The following DEFB121 variants were observed in gnomAD, a reference collection of about 807,000 sequenced individuals.
The protein encoded by DEFB121 is beta-defensin 121.
In DEFB121, 5 loss-of-function variants were observed where a neutral mutation model predicts 2.5. The observed-to-expected ratio is 1.96, with a 90% CI of 1.03 to 4.13. The LOEUF is 4.13. DEFB121 is among the 30% of genes most tolerant of loss of function. DEFB121 has a pLI of 0.00. For synonymous variants in DEFB121, 39 were observed against 32.6 expected, an observed-to-expected ratio of 1.20 and a Z score of -0.67; for missense variants, 87 against 85.0, an observed-to-expected ratio of 1.02 and a Z score of -0.09.
chr20:31,405,162 C>T, intron 1 of DEFB121, 77 bp from the exon 2 acceptor site: 2 of 1,430,426 alleles, frequency 1.4e-6, no homozygotes, highest in African/African-American at 1.4e-5. Context: ...GAGGCTAAAG[C>T]CCAGTAGAGG....
exon 1 of DEFB121, chr20:31,412,798 G>T: frequency 1.6e-6 from 1 of 642,302 alleles, no homozygotes; most frequent in African/African-American, 1.9e-5. Flanking sequence ...TCAAATCTAA[G>T]ACCCAGAGGG....
upstream of DEFB121, among the ~76,000 whole-genome samples, chr20:31,413,237 T>C (rs1978710278): frequency 6.6e-6 from 1 of 152,236 alleles, no homozygotes; most frequent in African/African-American, 2.4e-5. Context: ...CCTAACATGC[T>C]TACCGCTTAT....
upstream of DEFB121, among the ~76,000 whole-genome samples, chr20:31,416,355 C>T (rs1978805650): frequency 6.6e-6 from 1 of 152,226 alleles, no homozygotes; most frequent in African/African-American, 2.4e-5. Context: ...GCCACGGCGC[C>T]TGGCCTTCTT....
chr20:31,412,763 G>T, exon 1 of DEFB121: 1 of 1,029,288 alleles, frequency 9.7e-7, no homozygotes, highest in Non-Finnish European at 1.3e-6. Context: ...TGCTCACCGT[G>T]ATCTTCAAGT....
upstream of DEFB121, among the ~76,000 whole-genome samples, chr20:31,409,128 T>A (rs962954315): frequency 1.3e-5 from 2 of 152,242 alleles, no homozygotes; most frequent in Middle Eastern, 3.4e-3. Context: ...TAAAAAAACT[T>A]GTTAAAAAAA....
At chr20:31,409,969 G>A (rs1315703116), upstream of DEFB121, among the ~76,000 whole-genome samples, 1 of 152,020 alleles carries the variant, frequency 6.6e-6, no homozygotes, top group African/African-American at 2.4e-5. Context: ...CTTTCAGAGT[G>A]ATGAAAATGT....
upstream of DEFB121, among the ~76,000 whole-genome samples, chr20:31,417,824 A>T (rs987939977): frequency 6.6e-6 from 1 of 151,800 alleles, no homozygotes; most frequent in South Asian, 2.1e-4. Flanking sequence ...TTAGCCAGGC[A>T]TGGTGGTGGG....
chr20:31,417,130 G>T (rs1330820591), upstream of DEFB121, among the ~76,000 whole-genome samples: 1 of 152,166 alleles, frequency 6.6e-6, no homozygotes, highest in Non-Finnish European at 1.5e-5. Flanking sequence ...CAGATCACTT[G>T]AGGTCAGGAG....
chr20:31,405,216 A>G lies in DEFB121; in HGVS notation c.59-131T>C, dbSNP rs776500447. 3.5e-5 allele frequency: 29 copies of G among 832,516 alleles called. No homozygotes were observed. In the African/African-American group the frequency reaches 4.5e-4, roughly 13 times the overall value. The allele number at this position is 832,516 out of a possible 1,614,324, so 51.6% of individuals were successfully genotyped here. A position where few individuals can be genotyped will look rare whatever the true frequency, so the allele number is the denominator to read the frequency against. On this transcript the variant is annotated intron_variant, in intron 1 of 1. Coordinates refer to ENST00000376314, the MANE Select transcript of DEFB121 (RefSeq NM_001011878.3). The stretch of plus-strand genomic sequence containing the variant: ...AGGTCTGTGGGGAAGAAGCTCTTAC[A>G]CAGGATCCCCTAAGTTTAAGGGAGA...
upstream of DEFB121, among the ~76,000 whole-genome samples, chr20:31,408,183 C>T (rs868703265): frequency 2.6e-5 from 4 of 152,188 alleles, no homozygotes; most frequent in African/African-American, 9.7e-5. Flanking sequence ...GAGGCTCCTG[C>T]CTGTAATCCC....
upstream of DEFB121, among the ~76,000 whole-genome samples, chr20:31,409,291 C>T (rs12479674): frequency 0.042 from 6,416 of 152,208 alleles, 182 homozygotes; most frequent in Middle Eastern, 0.11. Flanking sequence ...CATATGTCCA[C>T]GTCAAAACTT....
At chr20:31,416,024 AGGCAGAGATCT>A (rs1174537543), upstream of DEFB121, among the ~76,000 whole-genome samples, 1 of 151,782 alleles carries the variant, frequency 6.6e-6, no homozygotes. Flanking sequence ...GAGGTTGAAA[AGGCAGAGATCT>A]GCGCCCTTCT....
chr20:31,411,731 G>A (rs560559109), intron 1 of DEFB121, among the ~76,000 whole-genome samples: 5 of 152,318 alleles, frequency 3.3e-5, no homozygotes, highest in South Asian at 2.1e-4. Flanking sequence ...ATGAGTGGAC[G>A]GTGCTGTGAA....
At chr20:31,418,259 CAAAAAAAAAAAAA>C in the DEFB121 span, among the ~76,000 whole-genome samples, 15 of 82,984 alleles carry the variant, frequency 1.8e-4, no homozygotes, top group Admixed American at 3.4e-4. Context: ...GACTCCGTCT[CAAAAAAAAAAAAA>C]AAAAAAAAAA....
At chr20:31,407,982 T>C (rs1418525709), upstream of DEFB121, among the ~76,000 whole-genome samples, 1 of 152,210 alleles carries the variant, frequency 6.6e-6, no homozygotes, top group African/African-American at 2.4e-5. Flanking sequence ...TTCACCATGT[T>C]GGCCATGGCT....
chr20:31,409,849 A>G (rs1354262357), upstream of DEFB121, among the ~76,000 whole-genome samples: 1 of 152,226 alleles, frequency 6.6e-6, no homozygotes, highest in Non-Finnish European at 1.5e-5. Flanking sequence ...GCTTATTCAC[A>G]TGAAACTCTA....
chr20:31,407,924 C>A (rs534766849), upstream of DEFB121, among the ~76,000 whole-genome samples: 1 of 152,226 alleles, frequency 6.6e-6, no homozygotes, highest in African/African-American at 2.4e-5. Flanking sequence ...ACTACAGGCA[C>A]GCGCCACCAC....
At chr20:31,412,669 G>A (rs1368152466) in exon 1 of DEFB121, 9 of 1,290,746 alleles carry the variant, frequency 7.0e-6, no homozygotes, top group Non-Finnish European at 9.1e-6. Flanking sequence ...TTTCCTCCTT[G>A]AGGCTCTTCT....
upstream of DEFB121, among the ~76,000 whole-genome samples, chr20:31,408,386 A>T (rs1309145903): frequency 1.3e-5 from 2 of 152,178 alleles, no homozygotes; most frequent in Non-Finnish European, 2.9e-5. Context: ...CAGGAGGTCG[A>T]AGCTACAATG....
Sources: gnomAD v4.1 joint callset for allele counts (sites outside exome capture counted in the v4.1 genomes callset) on GRCh38, gnomAD v4.1.1 for gene constraint, MANE v1.5 for transcripts, NCBI Gene and HGNC (gene_info 2026-07-23, HGNC 2026-07-21) for gene names.